The following RIT2 variants were observed in gnomAD, a reference collection of about 807,000 sequenced individuals.
RIT2 encodes the protein GTP-binding protein Rit2.
In RIT2, 24 loss-of-function variants were observed where a neutral mutation model predicts 23.7. The ratio of observed to expected loss-of-function variants is 1.01; its 90% CI spans 0.73 to 1.43. The LOEUF is 1.43. Ranked by LOEUF, RIT2 falls within the 40% of genes most tolerant of loss-of-function variation. RIT2 has a pLI of 0.00. For missense variants in RIT2, 236 were observed against 266.9 expected (o/e 0.88, Z 0.81); for synonymous variants, 107 against 91.1 (o/e 1.17, Z -0.99).
chr18:42,945,398 C>A (rs1357837468), intron 3 of RIT2, among the ~76,000 whole-genome samples: 7 of 150,820 alleles, frequency 4.6e-5, no homozygotes, highest in African/African-American at 1.7e-4. Context: ...GTTGGGTTAT[C>A]AGTTTAATAT....
chr18:42,920,667 T>C (rs568165333), intron 4 of RIT2: 85 of 1,493,898 alleles, frequency 5.7e-5, no homozygotes, highest in Middle Eastern at 5.1e-4. Flanking sequence ...TTTCCCAAAA[T>C]GCATTAAGAA....
At chr18:42,878,618 A>G (rs1238961705) in intron 4 of RIT2, among the ~76,000 whole-genome samples, 1 of 150,988 alleles carries the variant, frequency 6.6e-6, no homozygotes, top group African/African-American at 2.4e-5. Flanking sequence ...TAAGTTATAT[A>G]ATCAAACACT....
chr18:43,022,677 T>C (rs1453217356), intron 2 of RIT2, among the ~76,000 whole-genome samples: 3 of 152,096 alleles, frequency 2.0e-5, no homozygotes, highest in Non-Finnish European at 4.4e-5. Context: ...TCCACTAAAA[T>C]GTAATCTCTA....
intron 4 of RIT2, among the ~76,000 whole-genome samples, chr18:42,827,612 T>C (rs1011105152): frequency 4.0e-5 from 6 of 151,722 alleles, no homozygotes; most frequent in African/African-American, 9.7e-5. Context: ...AAAAATAATA[T>C]GGCAAAATAT....
chr18:42,998,779 T>A (rs554899837), intron 2 of RIT2, among the ~76,000 whole-genome samples: 1 of 152,114 alleles, frequency 6.6e-6, no homozygotes, highest in Non-Finnish European at 1.5e-5. Context: ...GGCTGCTCTG[T>A]CAGTCTGCAA....
At chr18:43,076,489 T>C (rs1260333532) in intron 1 of RIT2, among the ~76,000 whole-genome samples, 2 of 152,016 alleles carry the variant, frequency 1.3e-5, no homozygotes, top group African/African-American at 4.8e-5. Context: ...TAATGATGTA[T>C]ATGTTGTGTT....
chr18:42,995,089 T>C (rs1910948991), intron 2 of RIT2, among the ~76,000 whole-genome samples: 1 of 152,160 alleles, frequency 6.6e-6, no homozygotes, highest in Admixed American at 6.5e-5. Flanking sequence ...ACACTTAGTT[T>C]ATTGATGGCA....
At chr18:42,819,219 C>G (rs931210326) in intron 4 of RIT2, among the ~76,000 whole-genome samples, 60 of 144,668 alleles carry the variant, frequency 4.1e-4, no homozygotes, top group African/African-American at 1.6e-3. Context: ...TCATTGGAGT[C>G]ACCAAATTTG....
At chr18:42,802,143 G>C (rs1905556313) in intron 4 of RIT2, among the ~76,000 whole-genome samples, 1 of 152,138 alleles carries the variant, frequency 6.6e-6, no homozygotes, top group African/African-American at 2.4e-5. Flanking sequence ...GTTGAAAATA[G>C]GGTCAAAATT....
At chr18:43,110,960 A>G (rs1191227544) in intron 1 of RIT2, among the ~76,000 whole-genome samples, 1 of 152,158 alleles carries the variant, frequency 6.6e-6, no homozygotes, top group Non-Finnish European at 1.5e-5. Flanking sequence ...TCACATAGCT[A>G]CTTTTTATAG....
At chr18:42,803,347 G>A (rs1392823041) in intron 4 of RIT2, among the ~76,000 whole-genome samples, 1 of 152,154 alleles carries the variant, frequency 6.6e-6, no homozygotes, top group Non-Finnish European at 1.5e-5. Context: ...GTAGAAGTTT[G>A]TTATTCTGAC....
At chr18:42,909,564 A>T (rs1043098837) in intron 4 of RIT2, among the ~76,000 whole-genome samples, 24 of 152,134 alleles carry the variant, frequency 1.6e-4, no homozygotes, top group Admixed American at 2.0e-4. Flanking sequence ...CTCAAAAAAC[A>T]ATTATTTTCT....
intron 1 of RIT2, among the ~76,000 whole-genome samples, chr18:43,105,968 G>A (rs2144245899): frequency 6.6e-6 from 1 of 152,314 alleles, no homozygotes; most frequent in East Asian, 1.9e-4. Context: ...GTGGACAGTG[G>A]TTAAGGGCCT....
intron 1 of RIT2, among the ~76,000 whole-genome samples, chr18:43,078,925 G>A (rs564273007): frequency 5.3e-5 from 8 of 152,034 alleles, no homozygotes; most frequent in Admixed American, 2.0e-4. Flanking sequence ...CACTGTAAAA[G>A]ATGTGCCCTG....
chr18:42,853,032 C>T (rs1907097310), intron 4 of RIT2, among the ~76,000 whole-genome samples: 1 of 152,082 alleles, frequency 6.6e-6, no homozygotes, highest in South Asian at 2.1e-4. Flanking sequence ...CGGGGTTTCA[C>T]CATGTCAACC....
intron 3 of RIT2, among the ~76,000 whole-genome samples, chr18:42,970,211 T>C (rs761354062): frequency 2.8e-4 from 42 of 151,880 alleles, no homozygotes; most frequent in Admixed American, 2.6e-4. Flanking sequence ...CTGGAACCAA[T>C]AGATGGAAAC....
chr18:42,957,060 C>A (rs1909989087), intron 3 of RIT2, among the ~76,000 whole-genome samples: 1 of 152,120 alleles, frequency 6.6e-6, no homozygotes, highest in Non-Finnish European at 1.5e-5. Flanking sequence ...TGATTTCATA[C>A]TATTAATCAA....
At chr18:42,821,189 G>A (rs1045840245) in intron 4 of RIT2, among the ~76,000 whole-genome samples, 3 of 151,970 alleles carry the variant, frequency 2.0e-5, no homozygotes, top group Admixed American at 6.6e-5. Flanking sequence ...AATGAAAAAC[G>A]GACAAATACA....
At chr18:42,934,945 T>C (rs528242992) in intron 3 of RIT2, among the ~76,000 whole-genome samples, 1 of 152,154 alleles carries the variant, frequency 6.6e-6, no homozygotes, top group East Asian at 1.9e-4. Flanking sequence ...TAACAGTAAC[T>C]CAAAATTTCT....
Sources: allele counts gnomAD v4.1 joint callset (sites outside exome capture counted in the v4.1 genomes callset), GRCh38; gene constraint gnomAD v4.1.1; transcripts MANE v1.5; gene names NCBI Gene and HGNC (gene_info 2026-07-23, HGNC 2026-07-21).